Variants in ASB15 observed in about 807,000 individuals in gnomAD.
ASB15 encodes ankyrin repeat and SOCS box containing 15, also known as ankyrin repeat and SOCS box protein 15.
ASB15 carries 54 observed loss-of-function variants against 58.0 expected under a neutral mutation model. The observed-to-expected ratio is 0.93, with a 90% CI of 0.75 to 1.17. The LOEUF is 1.17. Ranked by LOEUF, ASB15 falls within the 50% of genes most tolerant of loss-of-function variation. The probability of loss-of-function intolerance (pLI) is 0.00; values close to 1 mark genes in which losing one functional copy is unlikely to be tolerated. For synonymous variants in ASB15, 249 were observed against 262.4 expected (o/e 0.95, Z 0.50); for missense variants, 680 against 707.4 (o/e 0.96, Z 0.44).
At chr7:123,582,411 C>T (rs76279924) in intron 1 of ASB15, among the ~76,000 whole-genome samples, 4,341 of 152,022 alleles carry the variant, frequency 0.029, 211 homozygotes, top group African/African-American at 0.098. Context: ...TTTCTCATTG[C>T]CACCGTCCTG....
upstream of ASB15, among the ~76,000 whole-genome samples, chr7:123,597,917 C>CGTGTGTGTGTGTGTGT (rs61508655): frequency 1.5e-5 from 2 of 132,974 alleles, no homozygotes; most frequent in Admixed American, 7.5e-5. Context: ...TTTCAAACTT[C>CGTGTGTGTGTGTGTGT]GTGTGTGTGT....
intron 11 of ASB15, among the ~76,000 whole-genome samples, chr7:123,636,265 G>A (rs937295893): frequency 6.6e-6 from 1 of 152,076 alleles, no homozygotes; most frequent in Non-Finnish European, 1.5e-5. Flanking sequence ...TATAGATAAA[G>A]TAAGAATTGA....
In ASB15 at chr7:123,616,511, A is replaced by G. The variant is rs1584783010; in HGVS notation, c.292+16A>G. ...GTTCTGGATGGTAAGAGAACATAAA[A>G]CATGTTTGACCAAGCCAGAGCAAGA... is the stretch of plus-strand genomic sequence containing the variant. On this transcript the variant is annotated intron_variant, in intron 6 of 11. Coordinates refer to ENST00000451215, the MANE Select transcript of ASB15 (RefSeq NM_001290258.2). The G allele has an allele frequency of 6.2e-7, 1 of 1,608,224 alleles. No individual in the cohort carries two copies. The highest frequency in any genetic ancestry group is 1.8e-4 in the Middle Eastern group (1 of 5,534).
At chr7:123,590,672 T>G (rs1799509929) in intron 1 of ASB15, among the ~76,000 whole-genome samples, 1 of 151,488 alleles carries the variant, frequency 6.6e-6, no homozygotes, top group African/African-American at 2.4e-5. Flanking sequence ...TCTGTTCCAT[T>G]GGTCTATATC....
chr7:123,592,995 T>C (rs1404713555), intron 1 of ASB15, among the ~76,000 whole-genome samples: 4 of 152,256 alleles, frequency 2.6e-5, no homozygotes, highest in Non-Finnish European at 5.9e-5. Context: ...TAGTTCTTCC[T>C]GTTGAATTGA....
chr7:123,630,889 T>C (rs1351542462), intron 11 of ASB15, among the ~76,000 whole-genome samples: 1 of 152,176 alleles, frequency 6.6e-6, no homozygotes, highest in Non-Finnish European at 1.5e-5. Context: ...CTGGAATTAG[T>C]TCTATAATAG....
At chr7:123,635,511 A>C (rs1370738822) in intron 11 of ASB15, among the ~76,000 whole-genome samples, 4 of 151,730 alleles carry the variant, frequency 2.6e-5, no homozygotes, top group Admixed American at 2.6e-4. Context: ...ACTTGAAAAC[A>C]CAGACTCTAC....
intron 1 of ASB15, among the ~76,000 whole-genome samples, chr7:123,586,915 G>C (rs745488467): frequency 4.6e-5 from 7 of 151,478 alleles, no homozygotes; most frequent in Non-Finnish European, 8.9e-5. Flanking sequence ...CTGTTTTTAT[G>C]AAAGTACTAT....
At chr7:123,603,811 A>C (rs1225851055) in intron 1 of ASB15, among the ~76,000 whole-genome samples, 1 of 152,246 alleles carries the variant, frequency 6.6e-6, no homozygotes, top group Non-Finnish European at 1.5e-5. Flanking sequence ...TGGGGAAAAC[A>C]TACGACTTGT....
chr7:123,587,279 A>T lies in ASB15; in HGVS notation c.-442-16753A>T, dbSNP rs1178422679. On this transcript the variant is annotated intron_variant, in intron 1 of 13. Transcript: ENST00000451558. ...ACCTTTCACCTCCTTGGTTAAATTT[A>T]CTCCCAGGTATTTTATTTTTGTAGC... is the stretch of plus-strand genomic sequence containing the variant. 7.3e-5 allele frequency among the ~76,000 whole-genome samples: 11 copies of T among 151,192 alleles called. No homozygotes were observed. In the Admixed American group the frequency reaches 7.3e-4, roughly 10 times the overall value.
At chr7:123,633,464 G>T (rs1430553712) in intron 11 of ASB15, among the ~76,000 whole-genome samples, 1 of 152,060 alleles carries the variant, frequency 6.6e-6, no homozygotes, top group East Asian at 1.9e-4. Flanking sequence ...TTGAAACCAA[G>T]GATTGTCAGT....
At chr7:123,619,355 T>C (rs1226710141) in intron 7 of ASB15, among the ~76,000 whole-genome samples, 1 of 152,016 alleles carries the variant, frequency 6.6e-6, no homozygotes, top group Admixed American at 6.6e-5. Context: ...TATATTTAAA[T>C]TAAATTAGGA....
chr7:123,570,914 T>C (rs571351513), intron 1 of ASB15, among the ~76,000 whole-genome samples: 1 of 152,306 alleles, frequency 6.6e-6, no homozygotes, highest in Admixed American at 6.5e-5. Context: ...CTCTAAAACT[T>C]ACCAGCTGTA....
At chr7:123,588,014 G>T in intron 1 of ASB15, among the ~76,000 whole-genome samples, 1 of 151,638 alleles carries the variant, frequency 6.6e-6, no homozygotes, top group East Asian at 1.9e-4. Context: ...TGGTGTCCTT[G>T]TCTGGCTTTG....
At chr7:123,611,562 C>T (rs922969241) in intron 3 of ASB15, among the ~76,000 whole-genome samples, 1 of 152,178 alleles carries the variant, frequency 6.6e-6, no homozygotes, top group East Asian at 1.9e-4. Flanking sequence ...TCCCAAAGTA[C>T]TGGGATTACA....
At chr7:123,614,642 T>C (rs948766059) in intron 4 of ASB15, 33 bp downstream of exon 4, 10 of 1,335,742 alleles carry the variant, frequency 7.5e-6, no homozygotes, top group Non-Finnish European at 9.7e-6. Flanking sequence ...TCAGCAAAAT[T>C]TCTTTATGGC....
intron 11 of ASB15, among the ~76,000 whole-genome samples, chr7:123,633,319 A>C (rs1028701703): frequency 6.6e-6 from 1 of 151,922 alleles, no homozygotes; most frequent in African/African-American, 2.4e-5. Flanking sequence ...AATATTTAAT[A>C]ATTAGAATAC....
intron 1 of ASB15, among the ~76,000 whole-genome samples, chr7:123,592,740 G>A (rs1452154608): frequency 6.6e-6 from 1 of 152,184 alleles, no homozygotes; most frequent in Non-Finnish European, 1.5e-5. Flanking sequence ...GCGATGTGGT[G>A]CTGAGAAGAA....
At chr7:123,623,902 GGAA>G (rs2116603577) in intron 7 of ASB15, among the ~76,000 whole-genome samples, 1 of 10,132 alleles carries the variant, frequency 9.9e-5, no homozygotes. Flanking sequence ...AAGAAAGAAT[GGAA>G]GGAAGGAAGG....
Sources: gnomAD v4.1 joint callset for allele counts (sites outside exome capture counted in the v4.1 genomes callset) on GRCh38, gnomAD v4.1.1 for gene constraint, MANE v1.5 for transcripts, NCBI Gene and HGNC (gene_info 2026-07-23, HGNC 2026-07-21) for gene names.